FAM13A: variants seen among roughly 807,000 people sequenced by gnomAD.
FAM13A encodes family with sequence similarity 13 member A.
FAM13A carries 76 observed loss-of-function variants against 129.6 expected under a neutral mutation model. The ratio of observed to expected loss-of-function variants is 0.59; its 90% CI spans 0.49 to 0.71. The LOEUF is 0.71. FAM13A is among the 30% of genes least tolerant of loss of function. The probability of loss-of-function intolerance (pLI) is 0.00; values close to 1 mark genes in which losing one functional copy is unlikely to be tolerated. For synonymous variants in FAM13A, 443 were observed against 449.9 expected (o/e 0.98, Z 0.20); for missense variants, 1,108 against 1,249.3 (o/e 0.89, Z 1.70).
chr4:88,961,346 C>CTTTTT (rs1560548919), intron 4 of FAM13A, among the ~76,000 whole-genome samples: 3 of 89,326 alleles, frequency 3.4e-5, no homozygotes, highest in Non-Finnish European at 4.6e-5. Context: ...GTGGAATTTG[C>CTTTTT]CTTTTTTTTT....
chr4:89,056,452 C>G (rs1286825434), intron 1 of FAM13A, among the ~76,000 whole-genome samples: 1 of 152,156 alleles, frequency 6.6e-6, no homozygotes, highest in Non-Finnish European at 1.5e-5. Context: ...AGCTTCTCCA[C>G]CATCACTTTC....
chr4:88,738,214 A>G (rs780581357), intron 20 of FAM13A, among the ~76,000 whole-genome samples: 17 of 152,212 alleles, frequency 1.1e-4, no homozygotes, highest in Non-Finnish European at 2.4e-4. Flanking sequence ...CAGCAGCTAA[A>G]ATGAGTATGT....
chr4:88,880,275 T>C (rs567860119), intron 6 of FAM13A, among the ~76,000 whole-genome samples: 19 of 152,078 alleles, frequency 1.2e-4, no homozygotes, highest in African/African-American at 4.6e-4. Flanking sequence ...AGTGTGAAAG[T>C]GTGAAAGGCG....
chr4:88,742,481 C>T (rs1373105683), intron 19 of FAM13A, among the ~76,000 whole-genome samples: 1 of 151,652 alleles, frequency 6.6e-6, no homozygotes. Context: ...ACAGAAGCAC[C>T]AAAAATATCA....
At chr4:88,794,855 T>C (rs1725852820) in intron 8 of FAM13A, among the ~76,000 whole-genome samples, 2 of 151,856 alleles carry the variant, frequency 1.3e-5, no homozygotes, top group Non-Finnish European at 3.0e-5. Context: ...TTTAACAAAA[T>C]ATAGTATTTT....
intron 4 of FAM13A, among the ~76,000 whole-genome samples, chr4:88,939,739 A>G (rs1257448228): frequency 2.0e-5 from 3 of 152,176 alleles, no homozygotes; most frequent in Admixed American, 6.5e-5. Flanking sequence ...AGATTCTCCC[A>G]TCGGCCTTAA....
chr4:89,005,468 C>T (rs1032566711), intron 3 of FAM13A, among the ~76,000 whole-genome samples: 3 of 152,074 alleles, frequency 2.0e-5, no homozygotes, highest in African/African-American at 7.2e-5. Flanking sequence ...ATAGTTCTGT[C>T]TTTAGGTCTT....
intron 6 of FAM13A, among the ~76,000 whole-genome samples, chr4:88,859,677 G>C (rs1384577982): frequency 1.3e-5 from 2 of 152,204 alleles, no homozygotes; most frequent in Non-Finnish European, 2.9e-5. Context: ...TTGAGGTTGA[G>C]AGCCATGTCC....
chr4:88,922,573 G>T (rs1235043114), intron 5 of FAM13A, among the ~76,000 whole-genome samples: 4 of 151,958 alleles, frequency 2.6e-5, no homozygotes, highest in Non-Finnish European at 5.9e-5. Context: ...GAAATTTATA[G>T]CACTAAATGC....
intron 4 of FAM13A, among the ~76,000 whole-genome samples, chr4:88,945,659 T>G (rs193231524): frequency 1.5e-4 from 23 of 151,634 alleles, no homozygotes; most frequent in African/African-American, 5.6e-4. Context: ...TGCGACTGTT[T>G]GTTCAAATTG....
intron 6 of FAM13A, among the ~76,000 whole-genome samples, chr4:88,869,964 TTCTC>T (rs762730352): frequency 2.0e-5 from 3 of 152,302 alleles, no homozygotes; most frequent in Admixed American, 6.5e-5. Context: ...ATAATTTATA[TTCTC>T]TCTAATTATG....
At chr4:88,966,368 T>C (rs1759350489) in intron 4 of FAM13A, among the ~76,000 whole-genome samples, 1 of 152,172 alleles carries the variant, frequency 6.6e-6, no homozygotes, top group African/African-American at 2.4e-5. Context: ...GAGAGCCTAC[T>C]ATATGGCAGG....
At chr4:88,891,198 G>A (rs539329785) in intron 6 of FAM13A, among the ~76,000 whole-genome samples, 7 of 152,270 alleles carry the variant, frequency 4.6e-5, no homozygotes, top group African/African-American at 1.7e-4. Flanking sequence ...TGAGGCAGGT[G>A]GATCGCTTGA....
intron 5 of FAM13A, among the ~76,000 whole-genome samples, chr4:88,931,402 C>A (rs1305014113): frequency 6.6e-6 from 1 of 151,940 alleles, no homozygotes; most frequent in African/African-American, 2.4e-5. Flanking sequence ...AGTGTGGAGC[C>A]CTGGGGGTTT....
chr4:88,920,429 C>G lies in FAM13A; in HGVS notation c.760-13967G>C, dbSNP rs536259366. Among the ~76,000 whole-genome samples, 315 of 152,268 alleles carry G rather than the reference C, an allele frequency of 2.1e-3. 5 individuals carry two copies. Among genetic ancestry groups the G allele is most frequent in the Admixed American group, 0.02 (302 of 15,298 alleles). ...GTTCTGCAGCCACCGCTGCTGATAC[C>G]CAGGCAAACAGGGTCTGGAGTGGAC... On this transcript the variant is annotated intron_variant, in intron 5 of 23. Coordinates refer to ENST00000264344, the MANE Select transcript of FAM13A (RefSeq NM_014883.4).
intron 5 of FAM13A, among the ~76,000 whole-genome samples, chr4:88,913,538 A>AGAAGAGGAG (rs1303699989): frequency 2.7e-5 from 4 of 150,768 alleles, no homozygotes; most frequent in African/African-American, 9.8e-5. Flanking sequence ...AAGAAGAGGA[A>AGAAGAGGAG]GAAGAGGAGG....
In FAM13A at chr4:89,020,644, C is replaced by T; in HGVS notation, c.243G>A (p.Arg81=). ...QHGLTQEGLF[R]VNGNVKVVEQ... is the part of the protein sequence containing the mutation. ...CCACCACCTTCACGTTACCATTCAC[C>T]CTAAAAAGACCTTCTTGGGTAAGTC... Residue 81 remains arginine, a synonymous_variant, in exon 3 of 24, where the codon AGG becomes AGA. Coordinates refer to ENST00000264344, the MANE Select transcript of FAM13A (RefSeq NM_014883.4). 1.2e-6 allele frequency: 2 copies of T among 1,614,032 alleles called. No individual in the cohort carries two copies. Among genetic ancestry groups the T allele is most frequent in the Non-Finnish European group, 1.7e-6 (2 of 1,179,978 alleles).
intron 6 of FAM13A, among the ~76,000 whole-genome samples, chr4:88,890,173 G>A (rs1434318966): frequency 2.0e-5 from 3 of 152,184 alleles, no homozygotes; most frequent in African/African-American, 7.2e-5. Flanking sequence ...TGAGGTAAGA[G>A]GCAGTGGCTG....
At chr4:89,053,437 C>G (rs1421715166) in intron 1 of FAM13A, among the ~76,000 whole-genome samples, 1 of 152,146 alleles carries the variant, frequency 6.6e-6, no homozygotes, top group Non-Finnish European at 1.5e-5. Flanking sequence ...CCTCTTTCTT[C>G]TTGCTGTGAT....
Sources: gnomAD v4.1 joint callset for allele counts (sites outside exome capture counted in the v4.1 genomes callset) on GRCh38, gnomAD v4.1.1 for gene constraint, MANE v1.5 for transcripts, NCBI Gene and HGNC (gene_info 2026-07-23, HGNC 2026-07-21) for gene names.